Variants in ERCC6 observed in about 807,000 individuals in gnomAD.
ERCC6 encodes the protein ERCC excision repair 6, chromatin remodeling factor, also known as DNA excision repair protein ERCC-6.
A neutral mutation model predicts 158.7 loss-of-function variants in ERCC6; 116 were observed. That is an observed-to-expected ratio of 0.73 (90% CI 0.63 to 0.85). ERCC6 has a LOEUF of 0.85. ERCC6 is among the 40% of genes least tolerant of loss of function. The pLI is 0.00. For synonymous variants in ERCC6, 678 were observed against 659.3 expected (o/e 1.03, Z -0.43); for missense variants, 1,698 against 1,799.4 (o/e 0.94, Z 1.02).
intron 8 of ERCC6, among the ~76,000 whole-genome samples, chr10:49,485,335 C>A (rs535947851): frequency 6.6e-6 from 1 of 152,254 alleles, no homozygotes; most frequent in African/African-American, 2.4e-5. Context: ...AAAGCTAGTA[C>A]TATTGACACT....
chr10:49,446,496 C>G, the ERCC6 span, among the ~76,000 whole-genome samples: 1 of 152,172 alleles, frequency 6.6e-6, no homozygotes, highest in African/African-American at 2.4e-5. Flanking sequence ...AAAATTCAGG[C>G]TGGGCACAGT....
intron 7 of ERCC6, among the ~76,000 whole-genome samples, chr10:49,496,199 T>C (rs1280034079): frequency 6.6e-6 from 1 of 152,186 alleles, no homozygotes; most frequent in Non-Finnish European, 1.5e-5. Context: ...TCCCTGTCCC[T>C]TTCTCTGTAA....
chr10:49,441,196 A>G, the ERCC6 span, among the ~76,000 whole-genome samples: 1 of 152,262 alleles, frequency 6.6e-6, no homozygotes, highest in South Asian at 2.1e-4. Flanking sequence ...ATAAAAAGAC[A>G]TTTGTACATT....
In ERCC6 at chr10:49,473,019, T is replaced by A; in HGVS notation, c.2719A>T (p.Ile907Leu). Residue 907 changes from isoleucine to leucine, a missense_variant, in exon 15 of 21, where the codon ATA becomes TTA. Ile to Leu is a conservative substitution (Grantham distance 5). Transcript: ENST00000355832. ...LITRYNEDTSIFVFLLTTRVG... is the reference protein window; with the variant it reads ...LITRYNEDTSLFVFLLTTRVG... ...CGCGTGGTCAGAAGAAACACAAATA[T>A]GGATGTGTCCTAGAGGTAAGACACA... 5 of 1,614,102 alleles carry A rather than the reference T, an allele frequency of 3.1e-6. No individual in the cohort carries two copies. The highest frequency in any genetic ancestry group is 3.4e-6 in the Non-Finnish European group (4 of 1,180,020).
chr10:49,506,858 A>T (rs1851452446), intron 5 of ERCC6, among the ~76,000 whole-genome samples: 1 of 152,012 alleles, frequency 6.6e-6, no homozygotes, highest in African/African-American at 2.4e-5. Context: ...TAAAAAGATG[A>T]TGTTTTCATT....
intron 12 of ERCC6, 32 bp from the exon 13 acceptor site, chr10:49,474,274 A>G (rs1171242463): frequency 6.5e-7 from 1 of 1,544,874 alleles, no homozygotes. Context: ...GTACACTCAG[A>G]TGACCCCATG....
chr10:49,467,654 C>T (rs1850700953), intron 18 of ERCC6, among the ~76,000 whole-genome samples: 2 of 152,130 alleles, frequency 1.3e-5, no homozygotes, highest in African/African-American at 4.8e-5. Context: ...CAGCCTCAAC[C>T]TCCCAGGCTC....
intron 18 of ERCC6, among the ~76,000 whole-genome samples, chr10:49,464,223 T>C (rs1484709761): frequency 1.3e-5 from 2 of 152,200 alleles, no homozygotes; most frequent in East Asian, 3.9e-4. Flanking sequence ...AGGTGACTCT[T>C]GTTATGTTTT....
At chr10:49,530,633 A>G in intron 3 of ERCC6, 87 bp downstream of exon 3, 5 of 1,572,342 alleles carry the variant, frequency 3.2e-6, no homozygotes, top group Admixed American at 3.5e-5. Context: ...CACATCTTAT[A>G]AGCACTTTTT....
At chr10:49,530,635 G>C (rs1837447014) in intron 3 of ERCC6, 85 bp downstream of exon 3, 2 of 1,572,346 alleles carry the variant, frequency 1.3e-6, no homozygotes, top group Non-Finnish European at 1.7e-6. Flanking sequence ...CATCTTATAA[G>C]CACTTTTTAA....
chr10:49,518,959 A>G (rs1837069283), intron 5 of ERCC6, among the ~76,000 whole-genome samples: 2 of 152,224 alleles, frequency 1.3e-5, no homozygotes, highest in African/African-American at 4.8e-5. Context: ...TCAAAAATTT[A>G]TTAAAAACCA....
At chr10:49,488,876 C>T (rs767314325) in intron 8 of ERCC6, among the ~76,000 whole-genome samples, 39 of 152,064 alleles carry the variant, frequency 2.6e-4, no homozygotes, top group Non-Finnish European at 4.9e-4. Flanking sequence ...TTCCGCCTCC[C>T]AGGTTCACGC....
intron 1 of ERCC6, among the ~76,000 whole-genome samples, chr10:49,538,597 A>C (rs1837659415): frequency 6.6e-6 from 1 of 152,140 alleles, no homozygotes; most frequent in African/African-American, 2.4e-5. Flanking sequence ...AACGCCCAAA[A>C]CGTCGGACGT....
At chr10:49,521,753 T>C (rs913948621) in intron 5 of ERCC6, among the ~76,000 whole-genome samples, 2 of 152,060 alleles carry the variant, frequency 1.3e-5, no homozygotes, top group Non-Finnish European at 2.9e-5. Flanking sequence ...TGAAAAATGG[T>C]TAAAACTTCA....
intron 5 of ERCC6, among the ~76,000 whole-genome samples, chr10:49,511,984 T>G (rs7092520): frequency 6.6e-6 from 1 of 152,246 alleles, no homozygotes; most frequent in Non-Finnish European, 1.5e-5. Context: ...AATGAAATTA[T>G]GTATGTACAT....
chr10:49,441,697 G>A, the ERCC6 span, among the ~76,000 whole-genome samples: 1 of 152,214 alleles, frequency 6.6e-6, no homozygotes, highest in Non-Finnish European at 1.5e-5. Context: ...CAGAGAGTTC[G>A]CAGCCAGGGA....
intron 18 of ERCC6, among the ~76,000 whole-genome samples, chr10:49,467,494 T>G (rs1850698210): frequency 6.6e-6 from 1 of 152,220 alleles, no homozygotes; most frequent in South Asian, 2.1e-4. Context: ...GTTTCATATA[T>G]TTATTTGCCA....
rs1837241594 is a variant in ERCC6 at position 49,523,976 on chromosome 10, C to T, written c.1397+57G>A. 9 of 1,603,312 alleles carry T rather than the reference C, an allele frequency of 5.6e-6. No individual in the cohort carries two copies. In the Admixed American group the frequency reaches 1.0e-4, roughly 18 times the overall value. On this transcript the variant is annotated intron_variant, in intron 5 of 20. Transcript: ENST00000355832. ...TCTAGAATGCTTACATATTAATAAA[C>T]CTGTCACCTAAGATAAAGCAAACAG...
chr10:49,485,593 C>T (rs779215216), intron 8 of ERCC6, among the ~76,000 whole-genome samples: 5 of 152,084 alleles, frequency 3.3e-5, no homozygotes, highest in Non-Finnish European at 7.4e-5. Flanking sequence ...TAAAAGTGAA[C>T]TAAAAATTCC....
Sources: allele counts gnomAD v4.1 joint callset (sites outside exome capture counted in the v4.1 genomes callset), GRCh38; gene constraint gnomAD v4.1.1; transcripts MANE v1.5; gene names NCBI Gene and HGNC (gene_info 2026-07-23, HGNC 2026-07-21).